The following PDGFRL variants were observed in gnomAD, a reference collection of about 807,000 sequenced individuals.
The protein encoded by PDGFRL is platelet derived growth factor receptor like.
Under a neutral mutation model 37.2 loss-of-function variants are expected in PDGFRL, and 46 were observed. The observed-to-expected ratio is 1.24, with a 90% confidence interval of 0.98 to 1.58. The LOEUF is 1.58. Among genes scored for constraint, PDGFRL ranks in the 40% most tolerant of loss-of-function variants. The pLI, the probability that PDGFRL is intolerant of heterozygous loss-of-function variation, is 0.00. For synonymous variants in PDGFRL, 251 were observed against 184.3 expected (o/e 1.36, Z -2.93); for missense variants, 692 against 467.6 (o/e 1.48, Z -4.43).
chr8:17,604,885 G>A (rs571723981), intron 2 of PDGFRL, among the ~76,000 whole-genome samples: 9 of 152,252 alleles, frequency 5.9e-5, no homozygotes, highest in African/African-American at 2.2e-4. Flanking sequence ...AGGCTGAGGC[G>A]GGTGAATCAC....
intron 2 of PDGFRL, among the ~76,000 whole-genome samples, chr8:17,590,037 C>T (rs982119251): frequency 1.3e-4 from 19 of 150,702 alleles, no homozygotes; most frequent in Non-Finnish European, 1.9e-4. Flanking sequence ...CGAGGCTATC[C>T]TGGCTAACCC....
At chr8:17,584,678 CT>C (rs1337392024) in intron 1 of PDGFRL, among the ~76,000 whole-genome samples, 7 of 150,480 alleles carry the variant, frequency 4.7e-5, no homozygotes, top group African/African-American at 1.7e-4. Flanking sequence ...AGATTGAGGC[CT>C]TTATCCTGGC....
In PDGFRL at chr8:17,624,490, C is replaced by T. The variant is rs923659126; in HGVS notation, c.505+3288C>T. ...TCAGAATACAGCTCAATAAATTATC[C>T]TTAAGCAAACAGGCACATGTAACTC... On this transcript the variant is annotated intron_variant, in intron 3 of 5. Transcript: ENST00000251630. Among the ~76,000 whole-genome samples, 8 of 152,154 alleles carry T rather than the reference C, an allele frequency of 5.3e-5. 1 individual carries two copies. Among genetic ancestry groups the T allele is most frequent in the Admixed American group, 3.9e-4 (6 of 15,274 alleles).
At chr8:17,596,216 C>T (rs568090107) in intron 2 of PDGFRL, 92 of 504,114 alleles carry the variant, frequency 1.8e-4, no homozygotes, top group South Asian at 5.1e-4. Context: ...CACTGAGCCC[C>T]GTGTGACTCT....
At chr8:17,598,238 C>T (rs998904430) in intron 2 of PDGFRL, among the ~76,000 whole-genome samples, 3 of 152,222 alleles carry the variant, frequency 2.0e-5, no homozygotes, top group African/African-American at 7.2e-5. Flanking sequence ...TACTAACCAG[C>T]AAAGTGGTGT....
chr8:17,607,896 A>G (rs1804317230), intron 2 of PDGFRL, among the ~76,000 whole-genome samples: 1 of 152,224 alleles, frequency 6.6e-6, no homozygotes, highest in African/African-American at 2.4e-5. Context: ...AGAATGGCAC[A>G]TTTATAAAAA....
intron 2 of PDGFRL, among the ~76,000 whole-genome samples, chr8:17,602,264 G>A (rs1056003256): frequency 6.6e-6 from 1 of 152,124 alleles, no homozygotes; most frequent in African/African-American, 2.4e-5. Context: ...CCCACTTTTT[G>A]ACAGATAAGG....
At chr8:17,639,332 A>T (rs890310048) in intron 5 of PDGFRL, among the ~76,000 whole-genome samples, 1 of 149,530 alleles carries the variant, frequency 6.7e-6, no homozygotes, top group African/African-American at 2.4e-5. Context: ...CTTGGTTTTT[A>T]TTTATTTATT....
chr8:17,592,117 C>T (rs1320878057), intron 2 of PDGFRL, among the ~76,000 whole-genome samples: 1 of 152,198 alleles, frequency 6.6e-6, no homozygotes, highest in African/African-American at 2.4e-5. Flanking sequence ...CACATCCCAT[C>T]GGTCACCAAG....
rs922918852 is a variant in PDGFRL, at chr8:17,638,604, G to A, written c.940-4009G>A. On this transcript the variant is annotated intron_variant, in intron 5 of 5. Coordinates refer to ENST00000251630, the MANE Select transcript of PDGFRL (RefSeq NM_001372073.1). ...TTAAATCCATTGTTTCTTTGTTGAT[G>A]TTCTGTCTTGATTACCTATCTATTG... Among the ~76,000 whole-genome samples the A allele has an allele frequency of 3.0e-4, 45 of 151,252 alleles. 1 individual carries two copies. Among genetic ancestry groups the A allele is most frequent in the African/African-American group, 1.0e-3 (43 of 41,296 alleles).
rs183570426 is a variant in PDGFRL at position 17,628,393 on chromosome 8, A to C, written c.506-94A>C. On this transcript the variant is annotated intron_variant, in intron 3 of 5. Coordinates refer to ENST00000251630, the MANE Select transcript of PDGFRL (RefSeq NM_001372073.1). The stretch of plus-strand genomic sequence containing the variant: ...AACCCGGCCTTTCCTACTCCTAAGG[A>C]CTCAGTATTCAGAGTATGCTGCCAA... The C allele has an allele frequency of 5.4e-5, 47 of 865,238 alleles. No homozygotes were observed. The African/African-American group carries it at 5.7e-4, about 10-fold the overall frequency. 53.6% of individuals were successfully genotyped at this position (865,238 alleles called of 1,614,324 possible). A position where few individuals can be genotyped will look rare whatever the true frequency, so the allele number is the denominator to read the frequency against.
intron 2 of PDGFRL, among the ~76,000 whole-genome samples, chr8:17,595,563 A>G (rs1804034951): frequency 6.6e-6 from 1 of 152,082 alleles, no homozygotes; most frequent in Non-Finnish European, 1.5e-5. Context: ...ACCTGGACCT[A>G]AACAAACAAG....
intron 2 of PDGFRL, among the ~76,000 whole-genome samples, chr8:17,608,155 C>G (rs1019548804): frequency 1.3e-5 from 2 of 152,208 alleles, no homozygotes; most frequent in African/African-American, 4.8e-5. Context: ...CTTGGATTGC[C>G]TTTGGGAGTT....
intron 1 of PDGFRL, 65 bp downstream of exon 1, chr8:17,577,372 C>T (rs1803608504): frequency 1.5e-6 from 2 of 1,340,546 alleles, no homozygotes; most frequent in Admixed American, 1.9e-5. Context: ...CCCGAAGCCC[C>T]CGCCGCCCTC....
chr8:17,603,327 G>T (rs1237422665), intron 2 of PDGFRL, among the ~76,000 whole-genome samples: 1 of 152,192 alleles, frequency 6.6e-6, no homozygotes, highest in Non-Finnish European at 1.5e-5. Context: ...ACATTTGTAA[G>T]TGTATGTACC....
chr8:17,625,980 G>GT, intron 3 of PDGFRL, among the ~76,000 whole-genome samples: 1 of 152,328 alleles, frequency 6.6e-6, no homozygotes, highest in Middle Eastern at 3.4e-3. Flanking sequence ...GGGCAACAGC[G>GT]TGAGACCCTG....
At position 17,642,927 on chromosome 8, in the gene PDGFRL, C is replaced by T. The variant is rs529373292; in HGVS notation, c.*126C>T. The T allele has an allele frequency of 1.1e-4, 66 of 627,234 alleles. No homozygotes were observed. In the African/African-American group the frequency reaches 1.2e-3, roughly 11 times the overall value. 38.9% of individuals were successfully genotyped at this position (627,234 alleles called of 1,614,324 possible). A position where few individuals can be genotyped will look rare whatever the true frequency, so the allele number is the denominator to read the frequency against. Reference sequence around the variant, plus strand: ...GCACCACACCCCAACCCCAGCGTCTCGTGAGTCCGACCCAGACATCCAAAC... The same window carrying T: ...GCACCACACCCCAACCCCAGCGTCTTGTGAGTCCGACCCAGACATCCAAAC... On this transcript the variant is annotated 3_prime_UTR_variant, in exon 6 of 6. Coordinates refer to ENST00000251630, the MANE Select transcript of PDGFRL (RefSeq NM_001372073.1).
At chr8:17,606,462 C>A (rs1182135865) in intron 2 of PDGFRL, among the ~76,000 whole-genome samples, 2 of 152,108 alleles carry the variant, frequency 1.3e-5, no homozygotes, top group Non-Finnish European at 2.9e-5. Context: ...AAACGCCACC[C>A]CCAAACTCTA....
chr8:17,616,822 G>C (rs1206823232), intron 2 of PDGFRL, among the ~76,000 whole-genome samples: 1 of 152,034 alleles, frequency 6.6e-6, no homozygotes, highest in Non-Finnish European at 1.5e-5. Context: ...AGTATGTGTG[G>C]GTATAATACC....
Sources: gnomAD v4.1 joint callset for allele counts (sites outside exome capture counted in the v4.1 genomes callset) on GRCh38, gnomAD v4.1.1 for gene constraint, MANE v1.5 for transcripts, NCBI Gene and HGNC (gene_info 2026-07-23, HGNC 2026-07-21) for gene names.